QTMAN: variants seen among roughly 807,000 people sequenced by gnomAD.
QTMAN encodes the protein tRNA-queuosine alpha-mannosyltransferase.
chr2:143,973,934 T>C, the QTMAN span, among the ~76,000 whole-genome samples: 2 of 152,234 alleles, frequency 1.3e-5, no homozygotes, highest in African/African-American at 4.8e-5. Context: ...GAACTCATTC[T>C]AGCTATCTAA....
chr2:144,204,876 A>G, the QTMAN span, among the ~76,000 whole-genome samples: 6 of 151,922 alleles, frequency 3.9e-5, no homozygotes, highest in Admixed American at 3.9e-4. Context: ...CATCATTCTC[A>G]GCAAACTATT....
chr2:143,949,510 CAAAAA>C, the QTMAN span, among the ~76,000 whole-genome samples: 4 of 151,084 alleles, frequency 2.6e-5, no homozygotes, highest in Non-Finnish European at 5.9e-5. Flanking sequence ...CTTTTAACAA[CAAAAA>C]AAGAGTAAGG....
At chr2:144,109,000 T>C in the QTMAN span, among the ~76,000 whole-genome samples, 1 of 152,198 alleles carries the variant, frequency 6.6e-6, no homozygotes, top group East Asian at 1.9e-4. Flanking sequence ...AGGTAATTTA[T>C]AGATTCAATG....
At chr2:144,204,035 T>C in the QTMAN span, among the ~76,000 whole-genome samples, 1 of 152,028 alleles carries the variant, frequency 6.6e-6, no homozygotes, top group Non-Finnish European at 1.5e-5. Flanking sequence ...CCTAAAACCA[T>C]AAAAACCCCA....
the QTMAN span, among the ~76,000 whole-genome samples, chr2:144,048,545 AAG>A: frequency 6.6e-6 from 1 of 152,192 alleles, no homozygotes; most frequent in East Asian, 1.9e-4. Flanking sequence ...ATTATATAAA[AAG>A]AGTATCACAT....
chr2:144,259,896 G>A, the QTMAN span, among the ~76,000 whole-genome samples: 8 of 152,120 alleles, frequency 5.3e-5, no homozygotes, highest in African/African-American at 1.9e-4. Context: ...AGCACTGAAT[G>A]CTTTTAAATA....
the QTMAN span, among the ~76,000 whole-genome samples, chr2:144,007,989 G>A: frequency 1.3e-5 from 2 of 152,172 alleles, no homozygotes; most frequent in Admixed American, 1.3e-4. Flanking sequence ...CTGGGCATCT[G>A]AATATACTTT....
At chr2:144,104,507 T>C in the QTMAN span, among the ~76,000 whole-genome samples, 1 of 151,918 alleles carries the variant, frequency 6.6e-6, no homozygotes, top group Non-Finnish European at 1.5e-5. Flanking sequence ...GCCTTGCTCA[T>C]TGCTAGCACA....
the QTMAN span, among the ~76,000 whole-genome samples, chr2:144,063,674 A>G: frequency 1.3e-5 from 2 of 152,212 alleles, no homozygotes; most frequent in African/African-American, 2.4e-5. Context: ...AACAAAATAA[A>G]ACAAAGAAAA....
chr2:144,010,111 A>G, the QTMAN span, among the ~76,000 whole-genome samples: 1 of 151,870 alleles, frequency 6.6e-6, no homozygotes. Context: ...CAAACAACAT[A>G]TTTTCATTTT....
chr2:143,968,081 A>C, the QTMAN span, among the ~76,000 whole-genome samples: 1 of 152,320 alleles, frequency 6.6e-6, no homozygotes, highest in Middle Eastern at 3.4e-3. Context: ...CTAAGGGCAC[A>C]ACCTGGAAAG....
chr2:144,301,521 C>T, the QTMAN span, among the ~76,000 whole-genome samples: 1 of 152,192 alleles, frequency 6.6e-6, no homozygotes, highest in East Asian at 1.9e-4. Flanking sequence ...CCGCACCAGG[C>T]CTTGTAGCTT....
At chr2:144,044,324 A>G in the QTMAN span, among the ~76,000 whole-genome samples, 2 of 152,228 alleles carry the variant, frequency 1.3e-5, no homozygotes, top group Non-Finnish European at 2.9e-5. Context: ...ACAATCTAAT[A>G]TTATTAGAAT....
At chr2:143,993,498 T>A in the QTMAN span, among the ~76,000 whole-genome samples, 7 of 151,790 alleles carry the variant, frequency 4.6e-5, no homozygotes, top group African/African-American at 1.7e-4. Context: ...CTCAATCCAA[T>A]TGCATGTATT....
the QTMAN span, among the ~76,000 whole-genome samples, chr2:144,165,712 T>C: frequency 1.3e-5 from 2 of 152,208 alleles, no homozygotes; most frequent in African/African-American, 4.8e-5. Flanking sequence ...TATGCTCTTA[T>C]GCTGAATTTA....
the QTMAN span, chr2:143,957,120 G>T: frequency 8.6e-7 from 1 of 1,169,074 alleles, no homozygotes; most frequent in East Asian, 2.5e-5. Context: ...TGTATTATTT[G>T]AAATAACAGC....
At chr2:144,307,188 T>TAAAA in the QTMAN span, among the ~76,000 whole-genome samples, 3 of 81,256 alleles carry the variant, frequency 3.7e-5, no homozygotes, top group Admixed American at 1.3e-4. Context: ...AAAAAACAAT[T>TAAAA]AAAAAAAAAA....
the QTMAN span, among the ~76,000 whole-genome samples, chr2:144,250,637 C>CCAG: frequency 1.3e-5 from 2 of 151,384 alleles, no homozygotes; most frequent in African/African-American, 2.4e-5. Flanking sequence ...TATTACTTTA[C>CCAG]ACTTACCAGA....
chr2:144,279,429 C>G, the QTMAN span, among the ~76,000 whole-genome samples: 1 of 151,104 alleles, frequency 6.6e-6, no homozygotes, highest in East Asian at 1.9e-4. Flanking sequence ...TCTATCAACA[C>G]TACTACACTG....
Sources: gnomAD v4.1 joint callset for allele counts (sites outside exome capture counted in the v4.1 genomes callset) on GRCh38, gnomAD v4.1.1 for gene constraint, MANE v1.5 for transcripts, NCBI Gene and HGNC (gene_info 2026-07-23, HGNC 2026-07-21) for gene names.